Variants in CACNB4 observed in about 807,000 individuals in gnomAD.
The protein encoded by CACNB4 is calcium voltage-gated channel auxiliary subunit beta 4.
Under a neutral mutation model 71.2 loss-of-function variants are expected in CACNB4, and 32 were observed. That is an observed-to-expected ratio of 0.45 (90% CI 0.34 to 0.60). CACNB4 has a LOEUF of 0.60. CACNB4 is among the 20% of genes least tolerant of loss of function. The pLI, the probability that CACNB4 is intolerant of heterozygous loss-of-function variation, is 0.01. For synonymous variants in CACNB4, 231 were observed against 236.9 expected, an observed-to-expected ratio of 0.97 and a Z score of 0.23; for missense variants, 464 against 647.9, an observed-to-expected ratio of 0.72 and a Z score of 3.08.
chr2:151,848,090 T>G (rs2099838068), intron 12 of CACNB4, among the ~76,000 whole-genome samples: 1 of 152,196 alleles, frequency 6.6e-6, no homozygotes, highest in Non-Finnish European at 1.5e-5. Context: ...CCATTCGTAT[T>G]CTTCAAAGAT....
chr2:152,045,788 C>T (rs75981711), intron 2 of CACNB4, among the ~76,000 whole-genome samples: 5,297 of 152,044 alleles, frequency 0.035, 132 homozygotes, highest in Non-Finnish European at 0.051. Context: ...CTGTGCATCC[C>T]GCAGCTCTAA....
intron 2 of CACNB4, among the ~76,000 whole-genome samples, chr2:151,923,924 A>C (rs745379459): frequency 1.3e-5 from 2 of 152,080 alleles, no homozygotes; most frequent in Non-Finnish European, 2.9e-5. Flanking sequence ...TAATTCGGTA[A>C]TTTCTAGTAA....
At chr2:151,867,920 A>G (rs534199687) in intron 9 of CACNB4, 8 of 152,322 alleles carry the variant, frequency 5.3e-5, no homozygotes, top group Admixed American at 5.2e-4. Flanking sequence ...GTGAGCAATA[A>G]TAAGCTTCCA....
intron 2 of CACNB4, among the ~76,000 whole-genome samples, chr2:151,944,566 C>G (rs2099865114): frequency 6.6e-6 from 1 of 152,096 alleles, no homozygotes; most frequent in African/African-American, 2.4e-5. Flanking sequence ...CCAAGGCAGG[C>G]AGATCACCTG....
chr2:152,057,736 T>C (rs1344610479), intron 2 of CACNB4, among the ~76,000 whole-genome samples: 1 of 152,176 alleles, frequency 6.6e-6, no homozygotes, highest in Non-Finnish European at 1.5e-5. Context: ...AGACTTTGAA[T>C]TGAACTGACC....
In CACNB4 at chr2:151,973,670, G is replaced by A. The variant is rs149715354; in HGVS notation, c.148-90300C>T. ...TTAGCTATCTATGAAAATACTTACA[G>A]CCTCCGAGTCTTCAATTCCATGCAG... On this transcript the variant is annotated intron_variant, in intron 2 of 13. Coordinates refer to ENST00000539935, the MANE Select transcript of CACNB4 (RefSeq NM_000726.5). 14 of 1,613,160 alleles carry A rather than the reference G, an allele frequency of 8.7e-6. No individual in the cohort carries two copies. The East Asian group carries it at 2.9e-4, about 33-fold the overall frequency.
chr2:151,887,969 T>C (rs1245107601), intron 2 of CACNB4, among the ~76,000 whole-genome samples: 3 of 152,206 alleles, frequency 2.0e-5, no homozygotes, highest in Non-Finnish European at 4.4e-5. Context: ...AATGGCTTTA[T>C]TGAGGTATAA....
intron 2 of CACNB4, among the ~76,000 whole-genome samples, chr2:152,025,972 T>C (rs1371309055): frequency 6.6e-6 from 1 of 152,198 alleles, no homozygotes; most frequent in African/African-American, 2.4e-5. Context: ...CCGTGTTTAG[T>C]AAAGAGGATG....
intron 2 of CACNB4, among the ~76,000 whole-genome samples, chr2:152,020,720 G>A (rs7565396): frequency 0.22 from 33,138 of 152,104 alleles, 3,794 homozygotes; most frequent in Middle Eastern, 0.4. Context: ...AACAGGTGGC[G>A]ATGCTGGTAA....
At chr2:152,026,483 C>T (rs564959878) in intron 2 of CACNB4, among the ~76,000 whole-genome samples, 32 of 152,044 alleles carry the variant, frequency 2.1e-4, no homozygotes, top group African/African-American at 7.0e-4. Context: ...CTCCTGGGCT[C>T]AAGCGATTCT....
intron 2 of CACNB4, among the ~76,000 whole-genome samples, chr2:152,012,011 T>G (rs1223990612): frequency 6.6e-6 from 1 of 152,100 alleles, no homozygotes; most frequent in Non-Finnish European, 1.5e-5. Context: ...GTACATCATA[T>G]TGACAATAAA....
intron 2 of CACNB4, among the ~76,000 whole-genome samples, chr2:151,959,984 G>A (rs1339041057): frequency 6.6e-6 from 1 of 152,102 alleles, no homozygotes; most frequent in African/African-American, 2.4e-5. Context: ...TACAAGATCT[G>A]CCTCACCGTT....
intron 2 of CACNB4, among the ~76,000 whole-genome samples, chr2:152,031,063 A>G (rs970745927): frequency 3.3e-5 from 5 of 152,240 alleles, no homozygotes; most frequent in African/African-American, 1.2e-4. Flanking sequence ...CCACGGGACT[A>G]GCAAGATATT....
chr2:152,050,799 C>T (rs1685388313), intron 2 of CACNB4, among the ~76,000 whole-genome samples: 1 of 151,964 alleles, frequency 6.6e-6, no homozygotes, highest in Non-Finnish European at 1.5e-5. Flanking sequence ...GACAGGGTCT[C>T]ACTTTGTCAC....
At position 151,832,802 on chromosome 2, in the gene CACNB4, G is replaced by T. The variant is rs761562232; in HGVS notation, c.*6317C>A. The T allele has an allele frequency of 6.6e-6, 1 of 151,510 alleles. No individual in the cohort carries two copies. The allele number at this position is 151,510 out of a possible 1,614,324, so 9.4% of individuals were successfully genotyped here. A position where few individuals can be genotyped will look rare whatever the true frequency, so the allele number is the denominator to read the frequency against. ...TGTTTTTTTCATTTATTATATAAAA[G>T]AAAAAAAGTAATGCAGTTGTTTTGT... On this transcript the variant is annotated 3_prime_UTR_variant, in exon 14 of 14. Coordinates refer to ENST00000539935, the MANE Select transcript of CACNB4 (RefSeq NM_000726.5).
chr2:151,870,782 A>C (rs896838725), intron 7 of CACNB4, 60 bp downstream of exon 7: 1 of 1,391,764 alleles, frequency 7.2e-7, no homozygotes, highest in African/African-American at 1.4e-5. Flanking sequence ...GAAATGGAGC[A>C]TTGCAGGCAT....
chr2:151,869,191 G>A lies in CACNB4; in HGVS notation c.744C>T (p.His248=). 6.4e-7 allele frequency: 1 copy of A among 1,566,126 alleles called. No homozygotes were observed. The highest frequency in any genetic ancestry group is 8.7e-7 in the Non-Finnish European group (1 of 1,150,834). Residue 248 remains histidine, a synonymous_variant, in exon 9 of 14, where the codon CAC becomes CAT. Coordinates refer to ENST00000539935, the MANE Select transcript of CACNB4 (RefSeq NM_000726.5). ...MQKALFDFLK[H]RFDGRISITR... is the part of the protein sequence containing the mutation. ...ATATTTCTCACCTCCCATCAAACCT[G>A]TGCTTCAGGAAATCAAAGAGGGCTT...
intron 2 of CACNB4, among the ~76,000 whole-genome samples, chr2:152,057,822 A>C (rs1387682465): frequency 1.4e-5 from 2 of 142,238 alleles, no homozygotes; most frequent in Non-Finnish European, 3.1e-5. Context: ...AGGCAGAGGG[A>C]AGGAAACTTT....
intron 2 of CACNB4, among the ~76,000 whole-genome samples, chr2:152,067,979 G>A (rs1053688769): frequency 4.6e-5 from 7 of 152,168 alleles, no homozygotes; most frequent in African/African-American, 1.4e-4. Context: ...ACTCAAAGAG[G>A]ATTGTGAAAG....
Sources: allele counts gnomAD v4.1 joint callset (sites outside exome capture counted in the v4.1 genomes callset), GRCh38; gene constraint gnomAD v4.1.1; transcripts MANE v1.5; gene names NCBI Gene and HGNC (gene_info 2026-07-23, HGNC 2026-07-21).